SYT1: variants seen among roughly 807,000 people sequenced by gnomAD.
The protein encoded by SYT1 is synaptotagmin-1.
A neutral mutation model predicts 44.8 loss-of-function variants in SYT1; 8 were observed. That is an observed-to-expected ratio of 0.18 (90% CI 0.10 to 0.32). The LOEUF (loss-of-function observed/expected upper bound fraction) is 0.32. Among genes scored for constraint, SYT1 ranks in the 10% least tolerant of loss-of-function variants. The pLI is 1.00. For synonymous variants in SYT1, 154 were observed against 188.8 expected (o/e 0.82, Z 1.51); for missense variants, 286 against 509.3 (o/e 0.56, Z 4.22).
intron 2 of SYT1, among the ~76,000 whole-genome samples, chr12:79,009,292 C>T (rs990031855): frequency 6.6e-6 from 1 of 151,504 alleles, no homozygotes; most frequent in Non-Finnish European, 1.5e-5. Flanking sequence ...GATAAAGAGC[C>T]CTCTGGTTTT....
chr12:78,992,685 A>G (rs1453384873), intron 2 of SYT1, among the ~76,000 whole-genome samples: 2 of 152,202 alleles, frequency 1.3e-5, no homozygotes, highest in African/African-American at 4.8e-5. Context: ...ACTCAAAGAT[A>G]GAGAGCACAG....
intron 1 of SYT1, among the ~76,000 whole-genome samples, chr12:78,892,327 T>C (rs1044296584): frequency 3.3e-5 from 5 of 151,806 alleles, no homozygotes; most frequent in African/African-American, 1.2e-4. Context: ...CAAATTATAG[T>C]ACATTTTAGG....
At chr12:79,316,047 A>G (rs1440403566) in intron 8 of SYT1, among the ~76,000 whole-genome samples, 1 of 152,212 alleles carries the variant, frequency 6.6e-6, no homozygotes, top group Non-Finnish European at 1.5e-5. Context: ...TTGGCATGCA[A>G]TAAAATGCAC....
At chr12:79,098,432 C>G (rs1437457034) in intron 3 of SYT1, among the ~76,000 whole-genome samples, 1 of 151,928 alleles carries the variant, frequency 6.6e-6, no homozygotes, top group Non-Finnish European at 1.5e-5. Context: ...TATGAAACAC[C>G]CAGCAACAGA....
At chr12:79,307,847 G>A (rs1426783157) in intron 8 of SYT1, among the ~76,000 whole-genome samples, 1 of 152,220 alleles carries the variant, frequency 6.6e-6, no homozygotes, top group Non-Finnish European at 1.5e-5. Flanking sequence ...GCGGCCTTCA[G>A]TGGGAAAGTA....
chr12:79,267,797 G>A (rs1209946620), intron 4 of SYT1, among the ~76,000 whole-genome samples: 1 of 152,150 alleles, frequency 6.6e-6, no homozygotes, highest in Non-Finnish European at 1.5e-5. Flanking sequence ...GCTGACTGTG[G>A]AGGCTTATCT....
chr12:78,888,573 A>T (rs565003800), intron 1 of SYT1, among the ~76,000 whole-genome samples: 7 of 151,922 alleles, frequency 4.6e-5, no homozygotes, highest in Non-Finnish European at 8.8e-5. Context: ...AATGTCCAAT[A>T]AATATTTCTA....
chr12:79,003,759 A>G (rs1463019282), intron 2 of SYT1, among the ~76,000 whole-genome samples: 1 of 151,912 alleles, frequency 6.6e-6, no homozygotes, highest in African/African-American at 2.4e-5. Context: ...GTCCCATTTC[A>G]TTTTACATAA....
At chr12:79,356,295 T>G (rs144875804) in intron 9 of SYT1, among the ~76,000 whole-genome samples, 4 of 151,888 alleles carry the variant, frequency 2.6e-5, no homozygotes, top group African/African-American at 9.7e-5. Flanking sequence ...AACAAATCTT[T>G]GCCTTTTTTT....
intron 3 of SYT1, among the ~76,000 whole-genome samples, chr12:79,205,256 C>T (rs569220280): frequency 1.3e-5 from 2 of 152,230 alleles, no homozygotes; most frequent in Admixed American, 6.5e-5. Context: ...GCCACCGCAC[C>T]CGGCCTCCTG....
chr12:78,989,482 C>G (rs996854778), intron 2 of SYT1, among the ~76,000 whole-genome samples: 2 of 152,070 alleles, frequency 1.3e-5, no homozygotes, highest in Admixed American at 6.6e-5. Flanking sequence ...GCCTAGCCCC[C>G]CCGTTCCCAG....
At chr12:79,363,169 T>C (rs1883386360) in intron 9 of SYT1, among the ~76,000 whole-genome samples, 1 of 152,102 alleles carries the variant, frequency 6.6e-6, no homozygotes, top group Non-Finnish European at 1.5e-5. Flanking sequence ...TAATAGGTAA[T>C]TGCACTGGGA....
At chr12:78,877,013 A>C (rs1317180581) in intron 1 of SYT1, among the ~76,000 whole-genome samples, 1 of 110,898 alleles carries the variant, frequency 9.0e-6, no homozygotes, top group Non-Finnish European at 1.9e-5. Flanking sequence ...TTTTGCGATG[A>C]CATTTTTATC....
intron 8 of SYT1, among the ~76,000 whole-genome samples, chr12:79,353,244 T>A (rs1428314937): frequency 6.6e-6 from 1 of 152,138 alleles, no homozygotes; most frequent in African/African-American, 2.4e-5. Flanking sequence ...CACCATTGAA[T>A]TATAGATATA....
intron 4 of SYT1, among the ~76,000 whole-genome samples, chr12:79,238,450 C>G (rs933876033): frequency 1.3e-5 from 2 of 152,108 alleles, no homozygotes; most frequent in African/African-American, 4.8e-5. Context: ...AGCCTTGTTT[C>G]ATTAGAGAGC....
At chr12:79,145,832 A>G (rs930949070) in intron 3 of SYT1, among the ~76,000 whole-genome samples, 6 of 150,198 alleles carry the variant, frequency 4.0e-5, no homozygotes, top group Non-Finnish European at 8.9e-5. Flanking sequence ...ATCTCGGCTC[A>G]CTGCAAGCTC....
At chr12:79,178,968 A>ATATAGATATATC (rs1565840944) in intron 3 of SYT1, among the ~76,000 whole-genome samples, 1 of 27,794 alleles carries the variant, frequency 3.6e-5, no homozygotes, top group Non-Finnish European at 6.5e-5. Flanking sequence ...ATAGATATAG[A>ATATAGATATATC]TATATAGATA....
At chr12:79,327,504 C>G (rs181396332) in intron 8 of SYT1, among the ~76,000 whole-genome samples, 6 of 152,346 alleles carry the variant, frequency 3.9e-5, no homozygotes, top group Admixed American at 1.3e-4. Context: ...AACCAATCCA[C>G]TGTGACTTCT....
intron 2 of SYT1, among the ~76,000 whole-genome samples, chr12:78,994,876 A>G (rs1456514032): frequency 6.6e-6 from 1 of 151,748 alleles, no homozygotes; most frequent in East Asian, 1.9e-4. Flanking sequence ...AATATACCCA[A>G]TGCTGCAGAG....
Sources: gnomAD v4.1 joint callset for allele counts (sites outside exome capture counted in the v4.1 genomes callset) on GRCh38, gnomAD v4.1.1 for gene constraint, MANE v1.5 for transcripts, NCBI Gene and HGNC (gene_info 2026-07-23, HGNC 2026-07-21) for gene names.